Variants in GNAT3 observed in about 807,000 individuals in gnomAD.
The protein encoded by GNAT3 is guanine nucleotide-binding protein G(t) subunit alpha-3.
A neutral mutation model predicts 37.7 loss-of-function variants in GNAT3; 31 were observed. The ratio of observed to expected loss-of-function variants is 0.82; its 90% CI spans 0.62 to 1.11. The LOEUF is 1.11. Ranked by LOEUF, GNAT3 falls within the 50% of genes most tolerant of loss-of-function variation. The pLI is 0.00. For missense variants in GNAT3, 437 were observed against 412.5 expected, an observed-to-expected ratio of 1.06 and a Z score of -0.51; for synonymous variants, 138 against 139.8, an observed-to-expected ratio of 0.99 and a Z score of 0.09.
In GNAT3 at chr7:80,497,617, T is replaced by C. The variant is rs180970418; in HGVS notation, c.119-2970A>G. Reference sequence around the variant, plus strand: ...ACGTATATACATATACGTATATACATATACGTATATACATATACGTATATA... The same window carrying C: ...ACGTATATACATATACGTATATACACATACGTATATACATATACGTATATA... On this transcript the variant is annotated intron_variant, in intron 1 of 7. Transcript: ENST00000398291. Among the ~76,000 whole-genome samples, 310 of 117,654 alleles carry C rather than the reference T, an allele frequency of 2.6e-3. 13 individuals are homozygous for C. The highest frequency in any genetic ancestry group is 0.012 in the African/African-American group (281 of 23,292). The allele number at this position is 117,654 out of a possible 152,430, so 77.2% of individuals were successfully genotyped here. A position where few individuals can be genotyped will look rare whatever the true frequency, so the allele number is the denominator to read the frequency against.
At chr7:80,470,432 G>A (rs1323414668) in intron 5 of GNAT3, among the ~76,000 whole-genome samples, 1 of 152,122 alleles carries the variant, frequency 6.6e-6, no homozygotes, top group Admixed American at 6.6e-5. Context: ...ATGTTGGCCA[G>A]GCTGGTCTGA....
At chr7:80,495,921 T>G (rs1173586254) in intron 1 of GNAT3, among the ~76,000 whole-genome samples, 1 of 152,212 alleles carries the variant, frequency 6.6e-6, no homozygotes, top group Non-Finnish European at 1.5e-5. Context: ...CTCGTTGAGT[T>G]GTTTGAATTC....
In GNAT3 at chr7:80,505,169, A is replaced by G. The variant is rs115574713; in HGVS notation, c.118+6640T>C. On this transcript the variant is annotated intron_variant, in intron 1 of 7. Coordinates refer to ENST00000398291, the MANE Select transcript of GNAT3 (RefSeq NM_001102386.3). ...AATGGAGAACTCTGAGGGATTATCC[A>G]GGGTTGAGGGTTTGAATGTCAATTA... is the stretch of plus-strand genomic sequence containing the variant. 2.1e-3 allele frequency among the ~76,000 whole-genome samples: 323 copies of G among 152,264 alleles called. 1 individual carries two copies. The highest frequency in any genetic ancestry group is 7.4e-3 in the African/African-American group (306 of 41,572).
intron 3 of GNAT3, among the ~76,000 whole-genome samples, chr7:80,485,685 C>A (rs1419405702): frequency 6.6e-6 from 1 of 151,970 alleles, no homozygotes; most frequent in African/African-American, 2.4e-5. Context: ...ATAATTTTTT[C>A]AAATGATGTT....
intron 1 of GNAT3, among the ~76,000 whole-genome samples, chr7:80,510,329 A>T (rs1008970277): frequency 6.6e-6 from 1 of 152,158 alleles, no homozygotes; most frequent in Non-Finnish European, 1.5e-5. Context: ...TTGTATTTTT[A>T]CAAAATAAGA....
intron 1 of GNAT3, among the ~76,000 whole-genome samples, chr7:80,498,661 T>C (rs912331225): frequency 1.7e-4 from 26 of 152,266 alleles, no homozygotes; most frequent in African/African-American, 6.0e-4. Context: ...GAGCCAAATA[T>C]AGACATTATA....
At position 80,511,952 on chromosome 7, in the gene GNAT3, TTA is replaced by T. The variant is rs554847716; in HGVS notation, c.-28_-27del. The T allele has an allele frequency of 1.8e-4, 279 of 1,514,534 alleles. 1 individual carries two copies. In the African/African-American group the frequency reaches 3.5e-3, roughly 19 times the overall value. The allele number at this position is 1,514,534 out of a possible 1,614,324, so 93.8% of individuals were successfully genotyped here. A position where few individuals can be genotyped will look rare whatever the true frequency, so the allele number is the denominator to read the frequency against. On this transcript the variant is annotated 5_prime_UTR_variant, in exon 1 of 8. The change abolishes the stop of an existing upstream ORF in the 5' untranslated region. Transcript: ENST00000398291. ...CTTGTGGTGGTAGATACTTGTCAGT[TTA>T]TATGTTCAGATTTTTCAAATGTTGA...
Position 80,468,224 on chromosome 7 carries a change from G to A in GNAT3, c.591-5593C>T, listed in dbSNP as rs76517166. Among the ~76,000 whole-genome samples the A allele has an allele frequency of 7.9e-3, 1,197 of 151,938 alleles. 32 individuals carry two copies. The highest frequency in any genetic ancestry group is 0.066 in the East Asian group (343 of 5,166). ...CAGTCGGCAAAGCTTTGAGCTTTAC[G>A]GTTTATGTTAAACAGTTGGCTAAAT... On this transcript the variant is annotated intron_variant, in intron 5 of 7. Coordinates refer to ENST00000398291, the MANE Select transcript of GNAT3 (RefSeq NM_001102386.3).
rs538365038 is a variant in GNAT3 at position 80,497,605 on chromosome 7, T to C, written c.119-2958A>G. On this transcript the variant is annotated intron_variant, in intron 1 of 7. Transcript: ENST00000398291. The stretch of plus-strand genomic sequence containing the variant: ...GTATATACATATACGTATATACATA[T>C]ACGTATATACATATACGTATATACA... 1.7e-3 allele frequency among the ~76,000 whole-genome samples: 202 copies of C among 119,166 alleles called. 3 individuals carry two copies. The highest frequency in any genetic ancestry group is 8.1e-3 in the African/African-American group (184 of 22,784). The allele number at this position is 119,166 out of a possible 152,430, so 78.2% of individuals were successfully genotyped here.
intron 2 of GNAT3, among the ~76,000 whole-genome samples, chr7:80,489,924 T>C (rs912341290): frequency 6.6e-6 from 1 of 152,100 alleles, no homozygotes; most frequent in African/African-American, 2.4e-5. Flanking sequence ...CTGATTACTA[T>C]GAGAAGATGA....
At chr7:80,478,480 T>C (rs929922457) in intron 4 of GNAT3, among the ~76,000 whole-genome samples, 48 of 152,146 alleles carry the variant, frequency 3.2e-4, no homozygotes, top group African/African-American at 1.1e-3. Flanking sequence ...TTCACTAATA[T>C]GGATAGAGAT....
chr7:80,491,871 A>G (rs890460004), intron 2 of GNAT3, among the ~76,000 whole-genome samples: 1 of 152,210 alleles, frequency 6.6e-6, no homozygotes, highest in Admixed American at 6.5e-5. Context: ...TGCTCTTTTT[A>G]AATAATAAAA....
At chr7:80,509,847 TA>T (rs1791029676) in intron 1 of GNAT3, among the ~76,000 whole-genome samples, 1 of 152,102 alleles carries the variant, frequency 6.6e-6, no homozygotes, top group South Asian at 2.1e-4. Context: ...TTTATTTTTT[TA>T]AATTGACAAA....
chr7:80,488,522 T>C lies in GNAT3; in HGVS notation c.303+13A>G, dbSNP rs753142173. ...ATTGCAGGACATACAGCTGTCATTA[T>C]TTGCATACTTACTGCACTTCTGGGA... On this transcript the variant is annotated intron_variant, in intron 3 of 7. Coordinates refer to ENST00000398291, the MANE Select transcript of GNAT3 (RefSeq NM_001102386.3). The C allele has an allele frequency of 6.3e-7, 1 of 1,595,650 alleles. No individual in the cohort carries two copies. Among genetic ancestry groups the C allele is most frequent in the Non-Finnish European group, 8.6e-7 (1 of 1,168,972 alleles).
intron 4 of GNAT3, among the ~76,000 whole-genome samples, chr7:80,474,593 G>T (rs1334433250): frequency 6.6e-6 from 1 of 152,102 alleles, no homozygotes; most frequent in Non-Finnish European, 1.5e-5. Context: ...TCCAAACTAT[G>T]CTCATCGAAT....
At chr7:80,474,959 G>C (rs2116163139) in intron 4 of GNAT3, among the ~76,000 whole-genome samples, 1 of 152,176 alleles carries the variant, frequency 6.6e-6, no homozygotes, top group East Asian at 1.9e-4. Context: ...TCAAGACTCA[G>C]CCATTTCCAT....
Position 80,474,311 on chromosome 7 carries a change from G to C in GNAT3, c.530C>G (p.Ser177Cys). ...YVPNEQDVLHSRVKTTGIIET... is the reference protein window; with the variant it reads ...YVPNEQDVLHCRVKTTGIIET... ...AATGATTCCAGTCGTTTTCACTCGA[G>C]AATGGAGAACATCTTGTTCATTTGG... Residue 177 changes from serine to cysteine, a missense_variant, in exon 5 of 8, where the codon TCT becomes TGT. Physicochemically the swap from Ser to Cys is moderately radical, Grantham distance 112 (BLOSUM62 -1). Coordinates refer to ENST00000398291, the MANE Select transcript of GNAT3 (RefSeq NM_001102386.3). The C allele has an allele frequency of 6.3e-7, 1 of 1,580,838 alleles. No homozygotes were observed. The highest frequency in any genetic ancestry group is 8.6e-7 in the Non-Finnish European group (1 of 1,160,246).
At chr7:80,489,311 A>G (rs2116193390) in intron 2 of GNAT3, among the ~76,000 whole-genome samples, 1 of 152,262 alleles carries the variant, frequency 6.6e-6, no homozygotes, top group South Asian at 2.1e-4. Context: ...TTTTACTAGT[A>G]GTTTTCGAAT....
At chr7:80,466,185 G>T (rs1790126890) in intron 5 of GNAT3, among the ~76,000 whole-genome samples, 1 of 152,056 alleles carries the variant, frequency 6.6e-6, no homozygotes, top group Non-Finnish European at 1.5e-5. Context: ...AAGGGAGCCC[G>T]ATGTGCCATT....
Sources: gnomAD v4.1 joint callset for allele counts (sites outside exome capture counted in the v4.1 genomes callset) on GRCh38, gnomAD v4.1.1 for gene constraint, MANE v1.5 for transcripts, NCBI Gene and HGNC (gene_info 2026-07-23, HGNC 2026-07-21) for gene names.